The following SKA1 variants were observed in gnomAD, a reference collection of about 807,000 sequenced individuals.
SKA1 encodes SKA complex subunit 1.
A neutral mutation model predicts 31.8 loss-of-function variants in SKA1; 20 were observed. That is an observed-to-expected ratio of 0.63 (90% confidence interval 0.44 to 0.91). The LOEUF is 0.91. Ranked by LOEUF, SKA1 falls within the 40% of genes least tolerant of loss-of-function variation. SKA1 has a pLI of 0.00. For synonymous variants in SKA1, 88 were observed against 100.5 expected (o/e 0.88, Z 0.74); for missense variants, 253 against 298.2 (o/e 0.85, Z 1.12).
rs759713427 is a variant in SKA1, at chr18:50,382,224, C to T, written c.309C>T (p.Ser103=). Residue 103 remains serine, a splice_region_variant and synonymous_variant, in exon 4 of 7, where the codon AGC becomes AGT. Coordinates refer to ENST00000285116, the MANE Select transcript of SKA1 (RefSeq NM_145060.4). ...TGCCTCAAGTAACAGTAACCCAGAG[C>T]TGGTAAGTGTATTTATAATTATTCT... ...SHLPQVTVTQ[S]CVKGSDLDPE... The T allele has an allele frequency of 6.8e-7, 1 of 1,479,506 alleles. No homozygotes were observed. The highest frequency in any genetic ancestry group is 2.7e-5 in the Admixed American group (1 of 37,642). The allele number at this position is 1,479,506 out of a possible 1,614,324, so 91.6% of individuals were successfully genotyped here. A position where few individuals can be genotyped will look rare whatever the true frequency, so the allele number is the denominator to read the frequency against.
intron 5 of SKA1, among the ~76,000 whole-genome samples, chr18:50,387,809 GTTAT>G (rs1476153738): frequency 5.3e-5 from 8 of 152,122 alleles, no homozygotes; most frequent in Admixed American, 2.0e-4. Flanking sequence ...ATTAAACATA[GTTAT>G]TTGAGTTAGT....
At chr18:50,380,953 G>A (rs767492090) in intron 3 of SKA1, among the ~76,000 whole-genome samples, 2 of 152,228 alleles carry the variant, frequency 1.3e-5, no homozygotes, top group African/African-American at 2.4e-5. Flanking sequence ...CTTAAAGTCT[G>A]TAAAGATTGT....
chr18:50,377,718 T>C (rs1568327625), intron 2 of SKA1, among the ~76,000 whole-genome samples: 1 of 152,244 alleles, frequency 6.6e-6, no homozygotes, highest in Non-Finnish European at 1.5e-5. Context: ...GAACTTGTAT[T>C]GTAGTTTGTA....
intron 3 of SKA1, 45 bp downstream of exon 3, chr18:50,380,295 C>A: frequency 1.3e-6 from 2 of 1,503,530 alleles, no homozygotes; most frequent in Admixed American, 2.7e-5. Context: ...ACAATACATA[C>A]AAACTCCCTA....
At chr18:50,389,439 A>G (rs902423681) in intron 5 of SKA1, among the ~76,000 whole-genome samples, 1 of 134,546 alleles carries the variant, frequency 7.4e-6, no homozygotes, top group South Asian at 2.3e-4. Flanking sequence ...TCTGTCCCAC[A>G]GGCTGGAGTG....
intron 2 of SKA1, among the ~76,000 whole-genome samples, chr18:50,377,102 G>C (rs762330938): frequency 7.2e-5 from 11 of 151,778 alleles, no homozygotes; most frequent in African/African-American, 1.9e-4. Flanking sequence ...GTATTGTATA[G>C]TAAATAACAT....
chr18:50,391,384 T>A, intron 6 of SKA1, 91 bp downstream of exon 6: 2 of 1,216,482 alleles, frequency 1.6e-6, no homozygotes, highest in Non-Finnish European at 2.2e-6. Context: ...AAATTCTAAA[T>A]CTAGAGTGTT....
chr18:50,392,249 T>A lies in SKA1; in HGVS notation c.*2T>A. The stretch of plus-strand genomic sequence containing the variant: ...CTTACTCGTTATGTTATAACCTGAG[T>A]CCCTTGTGAACTTTTGAACATACCA... On this transcript the variant is annotated 3_prime_UTR_variant, in exon 7 of 7. Coordinates refer to ENST00000285116, the MANE Select transcript of SKA1 (RefSeq NM_145060.4). 3 of 1,549,926 alleles carry A rather than the reference T, an allele frequency of 1.9e-6. No homozygotes were observed. The highest frequency in any genetic ancestry group is 2.6e-6 in the Non-Finnish European group (3 of 1,153,458).
chr18:50,387,891 G>A (rs2041323656), intron 5 of SKA1, among the ~76,000 whole-genome samples: 1 of 152,170 alleles, frequency 6.6e-6, no homozygotes, highest in Non-Finnish European at 1.5e-5. Context: ...CTCTCAGCCT[G>A]TATTTTTATC....
At position 50,393,391 on chromosome 18, in the gene SKA1, C is replaced by A. The variant is rs1568332541; in HGVS notation, c.*1144C>A. The A allele has an allele frequency of 6.6e-6, 1 of 152,208 alleles. No individual in the cohort carries two copies. The highest frequency in any genetic ancestry group is 6.5e-5 in the Admixed American group (1 of 15,278). 9.4% of individuals were successfully genotyped at this position (152,208 alleles called of 1,614,324 possible). On this transcript the variant is annotated 3_prime_UTR_variant, in exon 7 of 7. Transcript: ENST00000285116. ...CTGATGAGGTTAGGATACCCAGGCC[C>A]TTTGGACTTAAAGATCACTAGTGTC...
chr18:50,382,269 C>A (rs751982742), intron 4 of SKA1, 43 bp downstream of exon 4: 7 of 1,209,998 alleles, frequency 5.8e-6, no homozygotes, highest in South Asian at 1.7e-5. Context: ...GATTTATAAA[C>A]CCATGAAAAC....
chr18:50,384,451 T>G (rs1401207842), intron 4 of SKA1, among the ~76,000 whole-genome samples: 1 of 152,096 alleles, frequency 6.6e-6, no homozygotes, highest in African/African-American at 2.4e-5. Context: ...TTAGTCGGCT[T>G]CTCACTCGCT....
intron 3 of SKA1, among the ~76,000 whole-genome samples, 157 bp from the exon 4 acceptor site, chr18:50,381,972 G>T (rs752676666): frequency 1.3e-5 from 2 of 152,068 alleles, no homozygotes; most frequent in African/African-American, 4.8e-5. Context: ...TGATCCACCC[G>T]CCTTAGCCTC....
At chr18:50,376,021 A>G (rs1022350889) in intron 2 of SKA1, 103 bp downstream of exon 2, 1 of 673,314 alleles carries the variant, frequency 1.5e-6, no homozygotes, top group Non-Finnish European at 2.4e-6. Context: ...ATCTTAGGTA[A>G]TTTTAGATTT....
intron 2 of SKA1, among the ~76,000 whole-genome samples, chr18:50,376,967 G>T (rs1005417183): frequency 5.3e-5 from 8 of 152,020 alleles, no homozygotes; most frequent in Non-Finnish European, 1.0e-4. Context: ...ACCACACATG[G>T]AGCAGTCATC....
Position 50,392,332 on chromosome 18 carries a change from C to A in SKA1, c.*85C>A. ...ATTTTCTTATATATAATTTTTTTAA[C>A]TTTTAATCTTTTTTGTTTCCTTTTT... On this transcript the variant is annotated 3_prime_UTR_variant, in exon 7 of 7. Transcript: ENST00000285116. The A allele has an allele frequency of 2.7e-5, 23 of 854,908 alleles. No homozygotes were observed. Among genetic ancestry groups the A allele is most frequent in the South Asian group, 5.7e-5 (1 of 17,414 alleles). 53.0% of individuals were successfully genotyped at this position (854,908 alleles called of 1,614,324 possible).
chr18:50,385,155 CTG>C, intron 4 of SKA1, 59 bp from the exon 5 acceptor site: 1 of 1,351,936 alleles, frequency 7.4e-7, no homozygotes, highest in Non-Finnish European at 1.0e-6. Flanking sequence ...GTTGGGAAAA[CTG>C]TCAGTATGCT....
intron 5 of SKA1, among the ~76,000 whole-genome samples, chr18:50,387,626 ATTCT>A (rs2149322418): frequency 6.6e-6 from 1 of 152,230 alleles, no homozygotes; most frequent in African/African-American, 2.4e-5. Context: ...AAGTTCGCTG[ATTCT>A]TTCTTTAGCT....
At position 50,392,502 on chromosome 18, in the gene SKA1, G is replaced by A; in HGVS notation, c.*255G>A. 1 of 241,370 alleles carries A rather than the reference G, an allele frequency of 4.1e-6. No individual in the cohort carries two copies. Among genetic ancestry groups the A allele is most frequent in the Non-Finnish European group, 7.8e-6 (1 of 128,868 alleles). 15.0% of individuals were successfully genotyped at this position (241,370 alleles called of 1,614,324 possible). A position where few individuals can be genotyped will look rare whatever the true frequency, so the allele number is the denominator to read the frequency against. ...TCCCACCTCAGCCCCCTGAATGGCT[G>A]GGACTACAAGCGTGCGCCACCATGC... On this transcript the variant is annotated 3_prime_UTR_variant, in exon 7 of 7. Coordinates refer to ENST00000285116, the MANE Select transcript of SKA1 (RefSeq NM_145060.4).
Sources: gnomAD v4.1 joint callset for allele counts (sites outside exome capture counted in the v4.1 genomes callset) on GRCh38, gnomAD v4.1.1 for gene constraint, MANE v1.5 for transcripts, NCBI Gene and HGNC (gene_info 2026-07-23, HGNC 2026-07-21) for gene names.